Variants in ZFAND1 observed in about 807,000 individuals in gnomAD.
The protein encoded by ZFAND1 is AN1-type zinc finger protein 1.
In ZFAND1, 40 loss-of-function variants were observed where a neutral mutation model predicts 38.5. That is an observed-to-expected ratio of 1.04 (90% CI 0.81 to 1.35). ZFAND1 has a LOEUF of 1.35. Among genes scored for constraint, ZFAND1 ranks in the 40% most tolerant of loss-of-function variants. ZFAND1 has a pLI of 0.00. For missense variants in ZFAND1, 346 were observed against 316.3 expected, an observed-to-expected ratio of 1.09 and a Z score of -0.71; for synonymous variants, 117 against 103.6, an observed-to-expected ratio of 1.13 and a Z score of -0.78.
chr8:81,708,338 G>T (rs1022087810), intron 6 of ZFAND1, among the ~76,000 whole-genome samples: 1 of 145,016 alleles, frequency 6.9e-6, no homozygotes, highest in Non-Finnish European at 1.5e-5. Context: ...TGAAAGAAAA[G>T]ACAGAACTTG....
At chr8:81,713,344 C>G (rs1173085795) in intron 6 of ZFAND1, among the ~76,000 whole-genome samples, 2 of 152,000 alleles carry the variant, frequency 1.3e-5, no homozygotes, top group African/African-American at 4.8e-5. Context: ...AGGATGGTCT[C>G]GATCTCCTGA....
intron 6 of ZFAND1, among the ~76,000 whole-genome samples, chr8:81,713,431 T>C (rs919789534): frequency 5.9e-5 from 9 of 152,074 alleles, no homozygotes; most frequent in Non-Finnish European, 7.4e-5. Context: ...CCACAATCTT[T>C]AAAACAGAAT....
At position 81,701,469 on chromosome 8, in the gene ZFAND1, T is replaced by C. The variant is rs1443438854; in HGVS notation, c.*1226A>G. 10 of 152,154 alleles carry C rather than the reference T, an allele frequency of 6.6e-5. No homozygotes were observed. The highest frequency in any genetic ancestry group is 6.5e-4 in the Admixed American group (10 of 15,268). 9.4% of individuals were successfully genotyped at this position (152,154 alleles called of 1,614,324 possible). A position where few individuals can be genotyped will look rare whatever the true frequency, so the allele number is the denominator to read the frequency against. On this transcript the variant is annotated 3_prime_UTR_variant, in exon 8 of 8. Transcript: ENST00000220669. Reference sequence around the variant, plus strand: ...GCCCTGGGAAACAAAAAAAAATTTGTCTGGCTCAATATACTCCAATATTTG... The same window carrying C: ...GCCCTGGGAAACAAAAAAAAATTTGCCTGGCTCAATATACTCCAATATTTG...
chr8:81,705,836 T>C (rs1337300029), intron 6 of ZFAND1, among the ~76,000 whole-genome samples: 5 of 152,182 alleles, frequency 3.3e-5, no homozygotes, highest in African/African-American at 1.2e-4. Context: ...GAGAATTGTT[T>C]GAACCGGGGA....
intron 1 of ZFAND1, among the ~76,000 whole-genome samples, chr8:81,719,475 C>A (rs1808410299): frequency 6.6e-6 from 1 of 152,020 alleles, no homozygotes; most frequent in Non-Finnish European, 1.5e-5. Context: ...CCACTGCACT[C>A]CATCCTGGGT....
At position 81,713,916 on chromosome 8, in the gene ZFAND1, A is replaced by G; in HGVS notation, c.480+2T>C. The G allele has an allele frequency of 6.2e-7, 1 of 1,612,916 alleles. No individual in the cohort carries two copies. The highest frequency in any genetic ancestry group is 2.2e-5 in the East Asian group (1 of 44,790). On this transcript the variant is annotated splice_donor_variant, in intron 6 of 7. Coordinates refer to ENST00000220669, the MANE Select transcript of ZFAND1 (RefSeq NM_024699.3). LOFTEE classifies it high-confidence loss of function. ...GTGTTTTAAAAAATCTCTAAGACCA[A>G]CCTGTGGTAATGACTTATCGCCATC...
chr8:81,703,165 A>G, intron 6 of ZFAND1, 41 bp from the exon 7 acceptor site: 1 of 1,378,256 alleles, frequency 7.3e-7, no homozygotes, highest in South Asian at 1.7e-5. Context: ...ACATAGACAA[A>G]ATAGACATCA....
intron 6 of ZFAND1, among the ~76,000 whole-genome samples, chr8:81,713,252 A>T (rs370294046): frequency 0.028 from 2,778 of 98,708 alleles, 80 homozygotes; most frequent in African/African-American, 0.091. Flanking sequence ...CGTCCCGAGT[A>T]GCTGGGACTA....
intron 6 of ZFAND1, among the ~76,000 whole-genome samples, chr8:81,704,634 T>C (rs978958818): frequency 6.6e-6 from 1 of 151,576 alleles, no homozygotes; most frequent in Admixed American, 6.6e-5. Context: ...TTTTTAAAAG[T>C]GCTGGCTTTA....
rs571937001 is a variant in ZFAND1, at chr8:81,705,762, T to C, written c.481-2638A>G. On this transcript the variant is annotated intron_variant, in intron 6 of 7. Coordinates refer to ENST00000220669, the MANE Select transcript of ZFAND1 (RefSeq NM_024699.3). Reference sequence around the variant, plus strand: ...ATGGCAAAACCCCGTCTCTTAAAAATACAAAAATTAGCCAGGTGTGGGGGC... The same window carrying C: ...ATGGCAAAACCCCGTCTCTTAAAAACACAAAAATTAGCCAGGTGTGGGGGC... 6.2e-4 allele frequency among the ~76,000 whole-genome samples: 94 copies of C among 152,206 alleles called. No homozygotes were observed. In the South Asian group the frequency reaches 8.7e-3, roughly 14 times the overall value.
intron 6 of ZFAND1, among the ~76,000 whole-genome samples, chr8:81,705,991 G>A (rs1807968678): frequency 6.6e-6 from 1 of 152,106 alleles, no homozygotes; most frequent in African/African-American, 2.4e-5. Context: ...AAATGGTGAA[G>A]TAGCACTATT....
chr8:81,703,292 G>T (rs1301300246), intron 6 of ZFAND1, among the ~76,000 whole-genome samples, 168 bp from the exon 7 acceptor site: 1 of 152,134 alleles, frequency 6.6e-6, no homozygotes, highest in Non-Finnish European at 1.5e-5. Flanking sequence ...TAAATGCATG[G>T]GCATAGGACC....
chr8:81,706,799 G>A (rs1240616639), intron 6 of ZFAND1, among the ~76,000 whole-genome samples: 2 of 152,092 alleles, frequency 1.3e-5, no homozygotes, highest in Non-Finnish European at 2.9e-5. Context: ...AATAATATGA[G>A]TATACAGAGC....
intron 6 of ZFAND1, among the ~76,000 whole-genome samples, chr8:81,705,731 G>T (rs1277100206): frequency 6.6e-6 from 1 of 152,150 alleles, no homozygotes; most frequent in Non-Finnish European, 1.5e-5. Flanking sequence ...GGCCAGCCTC[G>T]CCAACATGGC....
At chr8:81,720,925 A>AT (rs200191429) in intron 1 of ZFAND1, 12,899 of 468,864 alleles carry the variant, frequency 0.028, 328 homozygotes, top group South Asian at 0.068. Context: ...GCCAAAAAAA[A>AT]CCCGCACCAA....
Position 81,721,208 on chromosome 8 carries a change from C to A in ZFAND1, c.55+19G>T, listed in dbSNP as rs1405904989. On this transcript the variant is annotated intron_variant, in intron 1 of 7. Transcript: ENST00000220669. ...GGTCTCCCGCGGCCGGGGATGGGGG[C>A]TGGAAGCTCCCGGATCACCTCGCTG... is the stretch of plus-strand genomic sequence containing the variant. 8 of 1,546,946 alleles carry A rather than the reference C, an allele frequency of 5.2e-6. No homozygotes were observed. Among genetic ancestry groups the A allele is most frequent in the East Asian group, 2.4e-5 (1 of 40,916 alleles).
chr8:81,715,042 C>T lies in ZFAND1; in HGVS notation c.211G>A (p.Glu71Lys). ...SYPCSFKDCA[E>K]RELVAVICPY... ...CATATAACTGCCACAAGTTCTCTCT[C>T]AGCACAGTCTTTGAAAGAGCATGGG... The change falls in exon 4 of 8, where the codon GAG becomes AAG. Residue 71 changes from glutamate to lysine, a missense_variant. Transcript: ENST00000220669. The T allele has an allele frequency of 1.2e-6, 2 of 1,614,140 alleles. No homozygotes were observed. The highest frequency in any genetic ancestry group is 1.7e-6 in the Non-Finnish European group (2 of 1,180,006).
chr8:81,716,119 C>A (rs1042229864), intron 3 of ZFAND1, among the ~76,000 whole-genome samples: 3 of 152,204 alleles, frequency 2.0e-5, no homozygotes, highest in Admixed American at 2.0e-4. Context: ...AACTGAACCT[C>A]ATGTAACTTT....
At chr8:81,720,943 C>G in intron 1 of ZFAND1, 2 of 497,808 alleles carry the variant, frequency 4.0e-6, no homozygotes, top group African/African-American at 4.0e-5. Flanking sequence ...CAACCGATCT[C>G]ACTGCAGCCC....
Sources: allele counts gnomAD v4.1 joint callset (sites outside exome capture counted in the v4.1 genomes callset), GRCh38; gene constraint gnomAD v4.1.1; transcripts MANE v1.5; gene names NCBI Gene and HGNC (gene_info 2026-07-23, HGNC 2026-07-21).